DTNA: variants seen among roughly 807,000 people sequenced by gnomAD.
DTNA encodes the protein dystrobrevin alpha.
DTNA carries 43 observed loss-of-function variants against 100.7 expected under a neutral mutation model. The observed-to-expected ratio is 0.43, with a 90% CI of 0.33 to 0.55. DTNA has a LOEUF of 0.55. Ranked by LOEUF, DTNA falls within the 20% of genes least tolerant of loss-of-function variation. The pLI is 0.04. For missense variants in DTNA, 798 were observed against 953.9 expected (o/e 0.84, Z 2.15); for synonymous variants, 349 against 347.9 (o/e 1.00, Z -0.04).
intron 1 of DTNA, among the ~76,000 whole-genome samples, chr18:34,599,104 T>C (rs1288646235): frequency 6.6e-6 from 1 of 152,224 alleles, no homozygotes; most frequent in Non-Finnish European, 1.5e-5. Flanking sequence ...TTCTGAGATT[T>C]AGATAAATAA....
chr18:34,565,333 A>T (rs1326074040), intron 1 of DTNA, among the ~76,000 whole-genome samples: 1 of 152,224 alleles, frequency 6.6e-6, no homozygotes, highest in Admixed American at 6.5e-5. Flanking sequence ...GATAGTTTTA[A>T]CAGGGAAGAG....
chr18:34,659,621 CAG>C (rs2074886418), intron 1 of DTNA, among the ~76,000 whole-genome samples: 4 of 140,778 alleles, frequency 2.8e-5, no homozygotes, highest in African/African-American at 1.2e-4. Context: ...CACATACACA[CAG>C]ACACACACAG....
chr18:34,783,107 A>G (rs1461752689), intron 3 of DTNA, among the ~76,000 whole-genome samples: 4 of 152,246 alleles, frequency 2.6e-5, no homozygotes, highest in Admixed American at 2.6e-4. Flanking sequence ...ATTAGTTATC[A>G]TTCAGATCTG....
intron 1 of DTNA, among the ~76,000 whole-genome samples, chr18:34,645,273 C>T (rs1339445438): frequency 6.6e-6 from 1 of 152,054 alleles, no homozygotes; most frequent in Non-Finnish European, 1.5e-5. Flanking sequence ...GCTCATTATC[C>T]TCAATATTAA....
chr18:34,863,339 T>C (rs2096653643), intron 16 of DTNA, among the ~76,000 whole-genome samples: 1 of 152,204 alleles, frequency 6.6e-6, no homozygotes, highest in African/African-American at 2.4e-5. Flanking sequence ...AAATTAAGCA[T>C]GAACCTTATA....
At chr18:34,729,693 C>T (rs1046374905) in intron 1 of DTNA, among the ~76,000 whole-genome samples, 58 of 152,018 alleles carry the variant, frequency 3.8e-4, no homozygotes, top group Admixed American at 3.0e-3. Flanking sequence ...CCACAGCATA[C>T]GAGGCACTCT....
intron 6 of DTNA, among the ~76,000 whole-genome samples, chr18:34,812,559 T>G (rs2095507118): frequency 6.6e-6 from 1 of 152,082 alleles, no homozygotes; most frequent in South Asian, 2.1e-4. Flanking sequence ...AGAGAAAGAA[T>G]GAAAAGCCCA....
At chr18:34,825,233 G>T (rs116547121) in intron 9 of DTNA, 1 of 1,612,934 alleles carries the variant, frequency 6.2e-7, no homozygotes, top group East Asian at 2.2e-5. Context: ...ATGATTAACG[G>T]TCTCTATTCT....
At chr18:34,687,918 T>C (rs2079141208) in intron 1 of DTNA, among the ~76,000 whole-genome samples, 1 of 152,208 alleles carries the variant, frequency 6.6e-6, no homozygotes, top group Non-Finnish European at 1.5e-5. Flanking sequence ...TATTGATCTT[T>C]GTTGGTTTAA....
At chr18:34,860,639 G>A (rs901000222) in intron 16 of DTNA, among the ~76,000 whole-genome samples, 2 of 152,166 alleles carry the variant, frequency 1.3e-5, no homozygotes, top group Non-Finnish European at 2.9e-5. Context: ...GCACGGCAGA[G>A]CTTTGTTTTT....
intron 1 of DTNA, among the ~76,000 whole-genome samples, chr18:34,700,089 G>C (rs2081161289): frequency 6.6e-6 from 1 of 152,176 alleles, no homozygotes; most frequent in Non-Finnish European, 1.5e-5. Flanking sequence ...ATAGATCACA[G>C]AGAAAAGAGC....
intron 1 of DTNA, among the ~76,000 whole-genome samples, chr18:34,597,323 A>G (rs1464321089): frequency 1.3e-5 from 2 of 152,084 alleles, no homozygotes; most frequent in East Asian, 3.9e-4. Flanking sequence ...CTCTTGGCCT[A>G]TATCCAGTAC....
At chr18:34,695,874 A>AT (rs1276298315) in intron 1 of DTNA, among the ~76,000 whole-genome samples, 1 of 151,392 alleles carries the variant, frequency 6.6e-6, no homozygotes, top group Non-Finnish European at 1.5e-5. Flanking sequence ...CATTAGGAAA[A>AT]TTTTTTTTTA....
chr18:34,688,200 A>T (rs752475160), intron 1 of DTNA, among the ~76,000 whole-genome samples: 7 of 152,036 alleles, frequency 4.6e-5, no homozygotes, highest in Non-Finnish European at 8.8e-5. Flanking sequence ...CTAGCTGGTT[A>T]TTTTGCCTAT....
Position 34,829,637 on chromosome 18 carries a change from T to C in DTNA, c.1175+148T>C. ...GGGTTTAATGAAATTGTGTTGAGAC[T>C]TTTCAACTTGAGCTGGACTTTGCAG... On this transcript the variant is annotated intron_variant, in intron 11 of 22. Transcript: ENST00000444659. 4.7e-6 allele frequency: 4 copies of C among 852,606 alleles called. No individual in the cohort carries two copies. In the South Asian group the frequency reaches 1.1e-4, roughly 23 times the overall value. The allele number at this position is 852,606 out of a possible 1,614,324, so 52.8% of individuals were successfully genotyped here.
chr18:34,742,629 T>TTATATTATCTATCTAGATAGATAGATAA (rs2090871218), intron 1 of DTNA, among the ~76,000 whole-genome samples: 1 of 137,690 alleles, frequency 7.3e-6, no homozygotes, highest in Non-Finnish European at 1.6e-5. Flanking sequence ...TCTGATTATC[T>TTATATTATCTATCTAGATAGATAGATAA]TCTATTATCT....
chr18:34,766,925 T>C (rs1568454060), intron 3 of DTNA, among the ~76,000 whole-genome samples: 1 of 152,132 alleles, frequency 6.6e-6, no homozygotes, highest in Non-Finnish European at 1.5e-5. Flanking sequence ...CAGTTTTTTT[T>C]TCAAATTTAA....
At chr18:34,670,424 T>A (rs1308748221) in intron 1 of DTNA, among the ~76,000 whole-genome samples, 2 of 152,236 alleles carry the variant, frequency 1.3e-5, no homozygotes, top group Non-Finnish European at 2.9e-5. Flanking sequence ...TCTCAACTTG[T>A]CAAAGTCATT....
At chr18:34,668,982 G>T (rs545149225) in intron 1 of DTNA, among the ~76,000 whole-genome samples, 6 of 152,274 alleles carry the variant, frequency 3.9e-5, no homozygotes, top group South Asian at 4.1e-4. Context: ...GGATATCCTT[G>T]TTAACTTTCT....
Sources: gnomAD v4.1 joint callset for allele counts (sites outside exome capture counted in the v4.1 genomes callset) on GRCh38, gnomAD v4.1.1 for gene constraint, MANE v1.5 for transcripts, NCBI Gene and HGNC (gene_info 2026-07-23, HGNC 2026-07-21) for gene names.